CDYL2: variants seen among roughly 807,000 people sequenced by gnomAD.
The protein encoded by CDYL2 is chromodomain Y like 2.
CDYL2 carries 23 observed loss-of-function variants against 49.4 expected under a neutral mutation model. The ratio of observed to expected loss-of-function variants is 0.47; its 90% CI spans 0.34 to 0.66. CDYL2 has a LOEUF of 0.66. CDYL2 is among the 30% of genes least tolerant of loss of function. The pLI is 0.01. For missense variants in CDYL2, 678 were observed against 656.4 expected (o/e 1.03, Z -0.36); for synonymous variants, 360 against 268.8 (o/e 1.34, Z -3.32).
chr16:80,774,549 T>C (rs1375782257), intron 1 of CDYL2, among the ~76,000 whole-genome samples: 1 of 152,112 alleles, frequency 6.6e-6, no homozygotes, highest in Non-Finnish European at 1.5e-5. Flanking sequence ...AGATCTTTAA[T>C]GTTCATACCA....
intron 1 of CDYL2, among the ~76,000 whole-genome samples, chr16:80,794,761 G>A (rs1328105573): frequency 6.6e-6 from 1 of 151,834 alleles, no homozygotes; most frequent in African/African-American, 2.4e-5. Context: ...ACAGGCATGT[G>A]CCACCACACA....
intron 3 of CDYL2, among the ~76,000 whole-genome samples, chr16:80,629,141 G>A (rs749259450): frequency 2.6e-5 from 4 of 152,190 alleles, no homozygotes; most frequent in Non-Finnish European, 5.9e-5. Context: ...AGGGTAATCA[G>A]GAGCCATCGA....
intron 1 of CDYL2, among the ~76,000 whole-genome samples, chr16:80,737,324 T>C (rs954157724): frequency 6.6e-6 from 1 of 152,160 alleles, no homozygotes; most frequent in African/African-American, 2.4e-5. Context: ...CTGTGCTAAG[T>C]GCCTTACAGG....
At position 80,684,762 on chromosome 16, in the gene CDYL2, G is replaced by A. The variant is rs1015557073; in HGVS notation, c.392C>T (p.Ala131Val). 1.2e-6 allele frequency: 2 copies of A among 1,614,194 alleles called. No individual in the cohort carries two copies. The highest frequency in any genetic ancestry group is 8.5e-7 in the Non-Finnish European group (1 of 1,180,032). ...AGTCCTGTAAGACACCGTCTTGGTG[G>A]CCCTGTCACCTCCTGAAGAGGGCTT... ...SGKPSSGGDR[A>V]TKTVSYRTTP... The change falls in exon 2 of 7, where the codon GCC becomes GTC. Residue 131 changes from alanine to valine, a missense_variant. Ala to Val is a moderately conservative substitution (Grantham distance 64). Transcript: ENST00000570137.
intron 5 of CDYL2, among the ~76,000 whole-genome samples, chr16:80,608,911 A>T (rs1325039454): frequency 2.6e-5 from 4 of 152,204 alleles, no homozygotes; most frequent in African/African-American, 9.7e-5. Context: ...GAGAACCATT[A>T]AGCTCCTTTT....
At chr16:80,748,369 A>T (rs1274608386) in intron 1 of CDYL2, among the ~76,000 whole-genome samples, 1 of 149,820 alleles carries the variant, frequency 6.7e-6, no homozygotes, top group African/African-American at 2.4e-5. Flanking sequence ...TACTAAAAAT[A>T]TAAAAATATT....
At chr16:80,641,832 G>A (rs1178183555) in intron 2 of CDYL2, among the ~76,000 whole-genome samples, 1 of 151,112 alleles carries the variant, frequency 6.6e-6, no homozygotes. Context: ...CACCAACATG[G>A]CACATGTATA....
chr16:80,732,163 C>A (rs1272327431), intron 1 of CDYL2, among the ~76,000 whole-genome samples: 1 of 152,168 alleles, frequency 6.6e-6, no homozygotes, highest in African/African-American at 2.4e-5. Flanking sequence ...GTGGATGACA[C>A]TGAATAATGA....
chr16:80,688,981 G>A (rs776124689), intron 1 of CDYL2, among the ~76,000 whole-genome samples: 12 of 152,060 alleles, frequency 7.9e-5, no homozygotes, highest in Admixed American at 4.6e-4. Flanking sequence ...CTCTGCCCCC[G>A]CTCTACCTGG....
chr16:80,685,805 T>A (rs894046314), intron 1 of CDYL2, among the ~76,000 whole-genome samples: 4 of 152,072 alleles, frequency 2.6e-5, no homozygotes, highest in Admixed American at 6.6e-5. Flanking sequence ...AGAACTGGGG[T>A]TTGAACCACT....
chr16:80,682,023 G>C (rs947835382), intron 2 of CDYL2, among the ~76,000 whole-genome samples: 2 of 152,196 alleles, frequency 1.3e-5, no homozygotes, highest in African/African-American at 4.8e-5. Flanking sequence ...ATGCGGTAGA[G>C]TCACCCAGGA....
At chr16:80,663,055 G>A (rs1156274746) in intron 2 of CDYL2, among the ~76,000 whole-genome samples, 1 of 130,738 alleles carries the variant, frequency 7.6e-6, no homozygotes, top group East Asian at 2.0e-4. Flanking sequence ...AAGACATAGG[G>A]GAAAAAAGCA....
At position 80,781,657 on chromosome 16, in the gene CDYL2, G is replaced by A. The variant is rs148049712; in HGVS notation, c.24+22493C>T. ...GGCCACAAGACAGGCTTTAATAAAC[G>A]GTTTAAAATCTGAGAAAAAAAAGGA... On this transcript the variant is annotated intron_variant, in intron 1 of 6. Coordinates refer to ENST00000570137, the MANE Select transcript of CDYL2 (RefSeq NM_152342.4). Among the ~76,000 whole-genome samples, 456 of 152,048 alleles carry A rather than the reference G, an allele frequency of 3.0e-3. 1 individual carries two copies. Among genetic ancestry groups the A allele is most frequent in the African/African-American group, 0.01 (426 of 41,460 alleles).
chr16:80,661,909 C>G (rs775133567), intron 2 of CDYL2, among the ~76,000 whole-genome samples: 1 of 152,094 alleles, frequency 6.6e-6, no homozygotes, highest in Non-Finnish European at 1.5e-5. Flanking sequence ...TAGAGGACAC[C>G]GCATGCTTAA....
At chr16:80,731,935 T>C (rs1238216441) in intron 1 of CDYL2, among the ~76,000 whole-genome samples, 1 of 139,722 alleles carries the variant, frequency 7.2e-6, no homozygotes, top group African/African-American at 2.6e-5. Context: ...AGGCAAAAGA[T>C]CCCCAAGCTG....
At chr16:80,772,188 TA>T (rs1268178963) in intron 1 of CDYL2, among the ~76,000 whole-genome samples, 1 of 152,018 alleles carries the variant, frequency 6.6e-6, no homozygotes, top group African/African-American at 2.4e-5. Flanking sequence ...TTTAGGCAAA[TA>T]AAAATGAGGA....
chr16:80,803,977 G>A (rs1357524562), intron 1 of CDYL2, among the ~76,000 whole-genome samples, 173 bp downstream of exon 1: 13 of 135,214 alleles, frequency 9.6e-5, no homozygotes, highest in South Asian at 5.0e-4. Flanking sequence ...GGCGGGCGGC[G>A]GGCGGGAGGC....
chr16:80,695,435 C>T (rs1910581172), intron 1 of CDYL2, among the ~76,000 whole-genome samples: 1 of 152,120 alleles, frequency 6.6e-6, no homozygotes, highest in Non-Finnish European at 1.5e-5. Flanking sequence ...GATTAAATTT[C>T]CCAGTTAAAA....
chr16:80,704,829 T>A (rs1222231776), intron 1 of CDYL2, among the ~76,000 whole-genome samples: 1 of 152,102 alleles, frequency 6.6e-6, no homozygotes, highest in Admixed American at 6.5e-5. Flanking sequence ...TGTTGAGAGA[T>A]GAGAGTAAGA....
Sources: gnomAD v4.1 joint callset for allele counts (sites outside exome capture counted in the v4.1 genomes callset) on GRCh38, gnomAD v4.1.1 for gene constraint, MANE v1.5 for transcripts, NCBI Gene and HGNC (gene_info 2026-07-23, HGNC 2026-07-21) for gene names.